Variants in PTPRD observed in about 807,000 individuals in gnomAD.
PTPRD encodes the protein protein tyrosine phosphatase receptor type D.
PTPRD carries 34 observed loss-of-function variants against 214.5 expected under a neutral mutation model. The observed-to-expected ratio is 0.16, with a 90% CI of 0.12 to 0.21. The LOEUF (loss-of-function observed/expected upper bound fraction) is 0.21. PTPRD is among the 10% of genes least tolerant of loss of function. PTPRD has a pLI of 1.00. For synonymous variants in PTPRD, 1,128 were observed against 845.7 expected, an observed-to-expected ratio of 1.33 and a Z score of -5.79; for missense variants, 2,545 against 2,398.7, an observed-to-expected ratio of 1.06 and a Z score of -1.27.
At chr9:9,797,370 G>A (rs12342458) in intron 5 of PTPRD, among the ~76,000 whole-genome samples, 1,816 of 148,848 alleles carry the variant, frequency 0.012, 21 homozygotes, top group Middle Eastern at 0.038. Flanking sequence ...TTTAAAATGT[G>A]CAAAGCAAAT....
intron 11 of PTPRD, among the ~76,000 whole-genome samples, chr9:8,810,799 G>A (rs573305566): frequency 6.6e-6 from 1 of 152,296 alleles, no homozygotes; most frequent in Non-Finnish European, 1.5e-5. Context: ...TGGGACAAAG[G>A]AAGAATAAAA....
At chr9:9,997,125 C>G (rs1186798526) in intron 4 of PTPRD, among the ~76,000 whole-genome samples, 1 of 151,866 alleles carries the variant, frequency 6.6e-6, no homozygotes, top group Non-Finnish European at 1.5e-5. Flanking sequence ...TAATATCTTG[C>G]CAAATAGAGA....
chr9:10,160,793 T>G (rs949155628), intron 3 of PTPRD, among the ~76,000 whole-genome samples: 6 of 151,942 alleles, frequency 3.9e-5, no homozygotes, highest in African/African-American at 1.4e-4. Flanking sequence ...TTAGTCTTGT[T>G]TGCACATGCA....
At chr9:10,019,512 G>T (rs2154117752) in intron 4 of PTPRD, among the ~76,000 whole-genome samples, 1 of 152,234 alleles carries the variant, frequency 6.6e-6, no homozygotes, top group Non-Finnish European at 1.5e-5. Context: ...CAATAGCAAA[G>T]ACTTGGAACC....
chr9:10,019,094 AC>A (rs1398678913), intron 4 of PTPRD, among the ~76,000 whole-genome samples: 2 of 152,036 alleles, frequency 1.3e-5, no homozygotes, highest in African/African-American at 4.8e-5. Context: ...AAAACAAACA[AC>A]CCCATCAAAA....
chr9:9,155,163 G>A (rs934373228), intron 10 of PTPRD, among the ~76,000 whole-genome samples: 1 of 152,104 alleles, frequency 6.6e-6, no homozygotes, highest in Non-Finnish European at 1.5e-5. Flanking sequence ...TGCATTGAAG[G>A]GTAACATTCT....
intron 7 of PTPRD, among the ~76,000 whole-genome samples, chr9:9,590,595 A>G (rs752674005): frequency 2.0e-5 from 3 of 151,960 alleles, no homozygotes; most frequent in Non-Finnish European, 4.4e-5. Context: ...TTAAAATAGA[A>G]ATGGCTTCAT....
chr9:9,761,145 G>T lies in PTPRD; in HGVS notation c.-326+5665C>A, dbSNP rs188446981. 4.6e-5 allele frequency among the ~76,000 whole-genome samples: 7 copies of T among 152,244 alleles called. No individual in the cohort carries two copies. The East Asian group carries it at 1.4e-3, about 29-fold the overall frequency. On this transcript the variant is annotated intron_variant, in intron 6 of 45. Coordinates refer to ENST00000381196, the MANE Select transcript of PTPRD (RefSeq NM_002839.4). Reference sequence around the variant, plus strand: ...ACAGACAAAAACTGGAATCAGCCCAGGTGTCTTTCAACAGATAAAAAGTTA... The same window carrying T: ...ACAGACAAAAACTGGAATCAGCCCATGTGTCTTTCAACAGATAAAAAGTTA...
At chr9:9,955,661 C>G (rs910382319) in intron 4 of PTPRD, among the ~76,000 whole-genome samples, 1 of 151,800 alleles carries the variant, frequency 6.6e-6, no homozygotes, top group Non-Finnish European at 1.5e-5. Context: ...GTAGCTGGGA[C>G]TACAGGTGCC....
chr9:9,729,603 A>C (rs1036128534), intron 7 of PTPRD, among the ~76,000 whole-genome samples: 4 of 152,150 alleles, frequency 2.6e-5, no homozygotes, highest in Admixed American at 6.6e-5. Context: ...AAAAGGCTTA[A>C]AGCAAATGCT....
chr9:8,610,657 C>T (rs1312164376), intron 14 of PTPRD, among the ~76,000 whole-genome samples: 1 of 152,162 alleles, frequency 6.6e-6, no homozygotes, highest in Non-Finnish European at 1.5e-5. Flanking sequence ...CATAAATATT[C>T]AGTTCAATAG....
chr9:9,079,651 C>T (rs1050250889), intron 10 of PTPRD, among the ~76,000 whole-genome samples: 1 of 152,036 alleles, frequency 6.6e-6, no homozygotes, highest in South Asian at 2.1e-4. Context: ...CTGTCGGTCT[C>T]ATATCTCCTC....
intron 11 of PTPRD, among the ~76,000 whole-genome samples, chr9:8,791,173 G>A (rs1313511545): frequency 6.6e-6 from 1 of 152,242 alleles, no homozygotes; most frequent in East Asian, 1.9e-4. Context: ...GAGAAACAGT[G>A]ACAAAGGATG....
intron 8 of PTPRD, among the ~76,000 whole-genome samples, chr9:9,436,518 A>G (rs1163249921): frequency 6.6e-6 from 1 of 152,172 alleles, no homozygotes; most frequent in African/African-American, 2.4e-5. Context: ...TGGAGTTTAC[A>G]GATGCATCCT....
At chr9:9,677,753 C>T (rs776217319) in intron 7 of PTPRD, among the ~76,000 whole-genome samples, 2 of 151,944 alleles carry the variant, frequency 1.3e-5, no homozygotes, top group South Asian at 2.1e-4. Context: ...AAAGGGCATT[C>T]AATTAGGAAA....
chr9:10,118,282 T>C (rs1390554603), intron 3 of PTPRD, among the ~76,000 whole-genome samples: 1 of 151,720 alleles, frequency 6.6e-6, no homozygotes, highest in Admixed American at 6.6e-5. Context: ...TTATTATCTA[T>C]ATATCTATAG....
chr9:9,190,279 C>G (rs2099934301), intron 9 of PTPRD, among the ~76,000 whole-genome samples: 1 of 151,982 alleles, frequency 6.6e-6, no homozygotes, highest in Non-Finnish European at 1.5e-5. Context: ...ACCCAAATCT[C>G]AATTTGAATT....
chr9:9,619,848 T>C (rs2095134462), intron 7 of PTPRD, among the ~76,000 whole-genome samples: 2 of 148,184 alleles, frequency 1.3e-5, no homozygotes, highest in Admixed American at 1.4e-4. Flanking sequence ...TAGCTTTTTA[T>C]TTCTATATAG....
chr9:9,759,793 G>T lies in PTPRD; in HGVS notation c.-326+7017C>A, dbSNP rs975123067. ...AGGCTGGTCTCAAACTCCTCACCTT[G>T]TGATTCCCCTGCCTCGGGCTCCCAA... On this transcript the variant is annotated intron_variant, in intron 6 of 45. Coordinates refer to ENST00000381196, the MANE Select transcript of PTPRD (RefSeq NM_002839.4). Among the ~76,000 whole-genome samples the T allele has an allele frequency of 2.6e-5, 4 of 152,026 alleles. No homozygotes were observed. In the East Asian group the frequency reaches 7.8e-4, roughly 30 times the overall value.
Sources: allele counts gnomAD v4.1 joint callset (sites outside exome capture counted in the v4.1 genomes callset), GRCh38; gene constraint gnomAD v4.1.1; transcripts MANE v1.5; gene names NCBI Gene and HGNC (gene_info 2026-07-23, HGNC 2026-07-21).